FNDC3B: variants seen among roughly 807,000 people sequenced by gnomAD.
The protein encoded by FNDC3B is fibronectin type III domain containing 3B.
In FNDC3B, 12 loss-of-function variants were observed where a neutral mutation model predicts 151.5. That is an observed-to-expected ratio of 0.08 (90% CI 0.05 to 0.13). The LOEUF is 0.13. Ranked by LOEUF, FNDC3B falls within the 10% of genes least tolerant of loss-of-function variation. The probability of loss-of-function intolerance (pLI) is 1.00; values close to 1 mark genes in which losing one functional copy is unlikely to be tolerated. For missense variants in FNDC3B, 1,214 were observed against 1,505.3 expected (o/e 0.81, Z 3.20); for synonymous variants, 528 against 549.0 (o/e 0.96, Z 0.54).
chr3:172,263,965 T>C (rs1310830000), intron 6 of FNDC3B, among the ~76,000 whole-genome samples: 1 of 151,982 alleles, frequency 6.6e-6, no homozygotes, highest in Non-Finnish European at 1.5e-5. Flanking sequence ...CTGTTTTCTG[T>C]GTCATTTCTT....
At chr3:172,394,614 C>T (rs893855627) in intron 25 of FNDC3B, among the ~76,000 whole-genome samples, 1 of 152,076 alleles carries the variant, frequency 6.6e-6, no homozygotes, top group Admixed American at 6.5e-5. Flanking sequence ...TCAAAGAAAA[C>T]CCTAGGGCCT....
At chr3:172,115,399 C>T (rs1309163224) in intron 2 of FNDC3B, among the ~76,000 whole-genome samples, 1 of 152,052 alleles carries the variant, frequency 6.6e-6, no homozygotes, top group Non-Finnish European at 1.5e-5. Context: ...AGGTGAGTCT[C>T]CAAGACAGGA....
intron 1 of FNDC3B, among the ~76,000 whole-genome samples, chr3:172,053,105 T>C (rs1716748367): frequency 6.6e-6 from 1 of 152,236 alleles, no homozygotes; most frequent in Non-Finnish European, 1.5e-5. Context: ...TGTGTCTGTG[T>C]GTATACATCC....
intron 1 of FNDC3B, among the ~76,000 whole-genome samples, chr3:172,066,439 A>G (rs542716865): frequency 6.6e-6 from 1 of 152,376 alleles, no homozygotes; most frequent in Admixed American, 6.5e-5. Context: ...GGCAATATCT[A>G]GGTAACTCCC....
chr3:172,185,290 C>A (rs1724112522), intron 3 of FNDC3B, among the ~76,000 whole-genome samples: 1 of 152,112 alleles, frequency 6.6e-6, no homozygotes, highest in African/African-American at 2.4e-5. Context: ...ACATCGTGAC[C>A]CCTTTCTGGC....
rs1357115762 is a variant in FNDC3B at position 172,347,238 on chromosome 3, C to T, written c.2391C>T (p.Ile797=). 6.2e-7 allele frequency: 1 copy of T among 1,613,670 alleles called. No homozygotes were observed. The highest frequency in any genetic ancestry group is 1.3e-5 in the African/African-American group (1 of 74,894). ...WESPDSSGAD[I]SEYRLEWGED... is the part of the protein sequence containing the mutation. ...GTCCTGATAGTTCTGGTGCTGACAT[C>T]TCAGAGTACAGGTTGGAATGGGGAG... The change falls in exon 21 of 26, where the codon ATC becomes ATT. Residue 797 remains isoleucine (I), a synonymous_variant. Coordinates refer to ENST00000415807, the MANE Select transcript of FNDC3B (RefSeq NM_022763.4).
chr3:172,096,151 C>T (rs1402850896), intron 1 of FNDC3B, among the ~76,000 whole-genome samples: 1 of 152,130 alleles, frequency 6.6e-6, no homozygotes, highest in Non-Finnish European at 1.5e-5. Context: ...TGCCATTGAA[C>T]CTGGTTCCTG....
intron 9 of FNDC3B, among the ~76,000 whole-genome samples, chr3:172,299,620 C>A (rs1416815452): frequency 7.2e-6 from 1 of 139,110 alleles, no homozygotes; most frequent in Non-Finnish European, 1.5e-5. Context: ...ACATTGTTTC[C>A]CTTTTTTTTT....
At chr3:172,272,909 G>A (rs895275955) in intron 6 of FNDC3B, among the ~76,000 whole-genome samples, 3 of 144,706 alleles carry the variant, frequency 2.1e-5, no homozygotes, top group African/African-American at 5.1e-5. Flanking sequence ...ACCACAGCTG[G>A]TGAGCAGATG....
chr3:172,335,865 AT>A (rs1392290292), intron 15 of FNDC3B: 1 of 152,202 alleles, frequency 6.6e-6, no homozygotes, highest in East Asian at 1.9e-4. Flanking sequence ...TATAAGGGGA[AT>A]TTAAAACATT....
At chr3:172,396,734 C>G (rs531993450) in intron 25 of FNDC3B, among the ~76,000 whole-genome samples, 7 of 152,140 alleles carry the variant, frequency 4.6e-5, no homozygotes, top group Admixed American at 2.0e-4. Context: ...ACTCCTCATG[C>G]GGATCTAACA....
intron 1 of FNDC3B, among the ~76,000 whole-genome samples, chr3:172,074,022 G>A (rs1451709530): frequency 6.6e-6 from 1 of 152,218 alleles, no homozygotes; most frequent in Non-Finnish European, 1.5e-5. Context: ...AGAAAGGGAT[G>A]CAACACAGGA....
intron 9 of FNDC3B, among the ~76,000 whole-genome samples, chr3:172,304,152 C>T (rs1465467683): frequency 1.3e-5 from 2 of 152,202 alleles, no homozygotes; most frequent in African/African-American, 2.4e-5. Context: ...TCACTTACGA[C>T]TCTCCAGCCT....
chr3:172,261,220 A>G (rs919304028), intron 6 of FNDC3B, among the ~76,000 whole-genome samples: 4 of 152,144 alleles, frequency 2.6e-5, no homozygotes, highest in Admixed American at 6.6e-5. Flanking sequence ...GCGAGGCATC[A>G]TGGAGGCTGA....
chr3:172,161,773 T>C (rs1426584479), intron 3 of FNDC3B, among the ~76,000 whole-genome samples: 1 of 152,204 alleles, frequency 6.6e-6, no homozygotes, highest in Non-Finnish European at 1.5e-5. Flanking sequence ...ATATATTGTG[T>C]ATCCATCACT....
At chr3:172,136,089 G>T (rs988036991) in intron 3 of FNDC3B, among the ~76,000 whole-genome samples, 5 of 152,226 alleles carry the variant, frequency 3.3e-5, no homozygotes, top group African/African-American at 7.2e-5. Flanking sequence ...AGGCAGAGTT[G>T]AGTTTTCTTC....
chr3:172,200,362 C>T (rs891680174), intron 3 of FNDC3B, among the ~76,000 whole-genome samples: 4 of 152,128 alleles, frequency 2.6e-5, no homozygotes, highest in African/African-American at 4.8e-5. Context: ...TTGAATGAAA[C>T]GTTATTCAAA....
At chr3:172,137,667 T>G (rs115656343) in intron 3 of FNDC3B, among the ~76,000 whole-genome samples, 355 of 152,208 alleles carry the variant, frequency 2.3e-3, no homozygotes, top group African/African-American at 8.1e-3. Context: ...AAAAATGTGT[T>G]TTTATGGGAA....
chr3:172,172,718 G>A (rs1723345826), intron 3 of FNDC3B, among the ~76,000 whole-genome samples: 1 of 152,170 alleles, frequency 6.6e-6, no homozygotes, highest in African/African-American at 2.4e-5. Flanking sequence ...CATACTGATT[G>A]ATGTTTCAGT....
Sources: allele counts gnomAD v4.1 joint callset (sites outside exome capture counted in the v4.1 genomes callset), GRCh38; gene constraint gnomAD v4.1.1; transcripts MANE v1.5; gene names NCBI Gene and HGNC (gene_info 2026-07-23, HGNC 2026-07-21).